Variants in ZDHHC14 observed in about 807,000 individuals in gnomAD.
ZDHHC14 encodes zDHHC palmitoyltransferase 14, also known as palmitoyltransferase ZDHHC14.
ZDHHC14 carries 16 observed loss-of-function variants against 47.7 expected under a neutral mutation model. The ratio of observed to expected loss-of-function variants is 0.34; its 90% CI spans 0.23 to 0.51. The LOEUF is 0.51. ZDHHC14 is among the 20% of genes least tolerant of loss of function. The pLI is 0.97. For synonymous variants in ZDHHC14, 293 were observed against 278.9 expected, an observed-to-expected ratio of 1.05 and a Z score of -0.50; for missense variants, 515 against 662.5, an observed-to-expected ratio of 0.78 and a Z score of 2.44.
intron 8 of ZDHHC14, among the ~76,000 whole-genome samples, chr6:157,658,250 G>GA (rs1778189970): frequency 1.3e-5 from 2 of 152,160 alleles, no homozygotes; most frequent in African/African-American, 4.8e-5. Flanking sequence ...GTTCCCTGAT[G>GA]ATTGGCAGGT....
chr6:157,664,563 C>A (rs1198113728), intron 8 of ZDHHC14, among the ~76,000 whole-genome samples: 1 of 152,180 alleles, frequency 6.6e-6, no homozygotes, highest in African/African-American at 2.4e-5. Context: ...TGGAACTCAA[C>A]CTCCAAATTC....
chr6:157,533,798 C>T (rs997478061), intron 1 of ZDHHC14, among the ~76,000 whole-genome samples: 4 of 152,236 alleles, frequency 2.6e-5, no homozygotes, highest in Non-Finnish European at 4.4e-5. Context: ...AAGCAGACAC[C>T]TCTGCCTCAG....
chr6:157,474,260 C>A (rs140554956), intron 1 of ZDHHC14, among the ~76,000 whole-genome samples: 1 of 152,080 alleles, frequency 6.6e-6, no homozygotes, highest in Non-Finnish European at 1.5e-5. Flanking sequence ...CAAAGTCCTG[C>A]GACTACAGGT....
At chr6:157,481,443 AAG>A (rs1779628497) in intron 1 of ZDHHC14, among the ~76,000 whole-genome samples, 1 of 152,204 alleles carries the variant, frequency 6.6e-6, no homozygotes, top group African/African-American at 2.4e-5. Context: ...GGTGCTGGTC[AAG>A]AGGAGGCCCC....
chr6:157,636,389 G>A (rs1776982399), intron 5 of ZDHHC14, among the ~76,000 whole-genome samples: 1 of 151,822 alleles, frequency 6.6e-6, no homozygotes. Context: ...ATGTCTATCA[G>A]TAAGTACAGA....
At chr6:157,383,255 T>C (rs1777249625) in intron 1 of ZDHHC14, among the ~76,000 whole-genome samples, 1 of 152,222 alleles carries the variant, frequency 6.6e-6, no homozygotes, top group East Asian at 1.9e-4. Context: ...TGGTATCCTA[T>C]GTTCAATGAA....
At chr6:157,543,111 A>C (rs542755315) in intron 2 of ZDHHC14, among the ~76,000 whole-genome samples, 29 of 152,300 alleles carry the variant, frequency 1.9e-4, no homozygotes, top group Admixed American at 1.6e-3. Flanking sequence ...TCCTTGGAGC[A>C]TGACCAGTTT....
At chr6:157,592,730 C>T in intron 2 of ZDHHC14, 3 of 1,231,128 alleles carry the variant, frequency 2.4e-6, no homozygotes, top group Non-Finnish European at 3.1e-6. Context: ...CAGGGAGGGC[C>T]TGGCTGGGTG....
chr6:157,655,032 G>A (rs73584100), intron 8 of ZDHHC14, among the ~76,000 whole-genome samples: 3,449 of 152,260 alleles, frequency 0.023, 145 homozygotes, highest in African/African-American at 0.078. Flanking sequence ...ACTGTGCCAG[G>A]CGTGTTTTCT....
intron 1 of ZDHHC14, among the ~76,000 whole-genome samples, chr6:157,405,490 C>T (rs1361362358): frequency 1.3e-5 from 2 of 152,116 alleles, no homozygotes; most frequent in East Asian, 3.9e-4. Context: ...CCTTGGCCTC[C>T]CAAAGTGCTG....
intron 1 of ZDHHC14, among the ~76,000 whole-genome samples, chr6:157,390,319 T>C (rs1777397657): frequency 6.6e-6 from 1 of 152,166 alleles, no homozygotes; most frequent in Non-Finnish European, 1.5e-5. Context: ...CTCCAGCTGA[T>C]TTTCTCTTTA....
At chr6:157,615,650 C>T (rs907500143) in intron 3 of ZDHHC14, among the ~76,000 whole-genome samples, 3 of 152,198 alleles carry the variant, frequency 2.0e-5, no homozygotes, top group East Asian at 1.9e-4. Flanking sequence ...AGTCCTCTGC[C>T]GTAGAGTCCT....
intron 3 of ZDHHC14, among the ~76,000 whole-genome samples, chr6:157,594,867 AACCGTCT>A (rs1178408098): frequency 6.6e-6 from 1 of 152,152 alleles, no homozygotes; most frequent in Non-Finnish European, 1.5e-5. Context: ...TCTCTGGGGG[AACCGTCT>A]ACCTGTAGGA....
chr6:157,472,578 C>A (rs542419182), intron 1 of ZDHHC14, among the ~76,000 whole-genome samples: 1 of 152,086 alleles, frequency 6.6e-6, no homozygotes, highest in South Asian at 2.1e-4. Flanking sequence ...TCCACACTTA[C>A]CATGTGACTC....
intron 2 of ZDHHC14, among the ~76,000 whole-genome samples, chr6:157,590,575 T>G (rs1783870540): frequency 6.6e-6 from 1 of 152,156 alleles, no homozygotes; most frequent in African/African-American, 2.4e-5. Flanking sequence ...TTTCAGAGGA[T>G]GTATGGAAAT....
At chr6:157,577,826 C>T (rs1783362687) in intron 2 of ZDHHC14, among the ~76,000 whole-genome samples, 1 of 152,244 alleles carries the variant, frequency 6.6e-6, no homozygotes, top group African/African-American at 2.4e-5. Context: ...GCTGGGATTA[C>T]AGGCGTGAGC....
At chr6:157,573,724 T>C (rs544259428) in intron 2 of ZDHHC14, among the ~76,000 whole-genome samples, 211 of 152,348 alleles carry the variant, frequency 1.4e-3, no homozygotes, top group Non-Finnish European at 2.2e-3. Context: ...TAATCCTTCC[T>C]GCCAGCTGCG....
intron 1 of ZDHHC14, among the ~76,000 whole-genome samples, chr6:157,423,543 G>A (rs1457270474): frequency 6.6e-6 from 1 of 152,142 alleles, no homozygotes; most frequent in Non-Finnish European, 1.5e-5. Context: ...GGTTTACTAA[G>A]CATTGCGGGA....
chr6:157,541,298 A>G (rs1781756076), intron 1 of ZDHHC14, among the ~76,000 whole-genome samples: 1 of 152,164 alleles, frequency 6.6e-6, no homozygotes, highest in South Asian at 2.1e-4. Context: ...AGGCTGGTGC[A>G]CTAATGTTCT....
Sources: gnomAD v4.1 joint callset for allele counts (sites outside exome capture counted in the v4.1 genomes callset) on GRCh38, gnomAD v4.1.1 for gene constraint, MANE v1.5 for transcripts, NCBI Gene and HGNC (gene_info 2026-07-23, HGNC 2026-07-21) for gene names.